PRKN: variants seen among roughly 807,000 people sequenced by gnomAD.
PRKN encodes the protein parkin RBR E3 ubiquitin protein ligase.
Under a neutral mutation model 59.5 loss-of-function variants are expected in PRKN, and 56 were observed. The observed-to-expected ratio is 0.94, with a 90% CI of 0.76 to 1.18. PRKN has a LOEUF of 1.18. Ranked by LOEUF, PRKN falls within the 50% of genes most tolerant of loss-of-function variation. The pLI, the probability that PRKN is intolerant of heterozygous loss-of-function variation, is 0.00. For missense variants in PRKN, 657 were observed against 596.4 expected (o/e 1.10, Z -1.06); for synonymous variants, 250 against 222.1 (o/e 1.13, Z -1.12).
intron 1 of PRKN, among the ~76,000 whole-genome samples, chr6:162,504,650 A>G (rs1444534497): frequency 5.3e-5 from 8 of 152,206 alleles, no homozygotes; most frequent in African/African-American, 1.2e-4. Context: ...GCTTTGTAAC[A>G]TTAGTATAGG....
chr6:162,347,336 AT>A (rs11298277), intron 2 of PRKN, among the ~76,000 whole-genome samples: 114,332 of 150,516 alleles, frequency 0.76, 44,340 homozygotes, highest in African/African-American at 0.92. Flanking sequence ...AGTATATAGA[AT>A]TTTTTTTTTA....
intron 1 of PRKN, among the ~76,000 whole-genome samples, chr6:162,648,690 C>G (rs1778295413): frequency 6.6e-6 from 1 of 152,090 alleles, no homozygotes; most frequent in African/African-American, 2.4e-5. Context: ...CCAGTGTTCT[C>G]TCTTTTAAAT....
intron 1 of PRKN, among the ~76,000 whole-genome samples, chr6:162,493,312 G>A (rs1188536602): frequency 6.6e-6 from 1 of 152,178 alleles, no homozygotes; most frequent in African/African-American, 2.4e-5. Flanking sequence ...GTTGGAGACA[G>A]TAAAAGGAAA....
intron 2 of PRKN, among the ~76,000 whole-genome samples, chr6:162,293,962 GC>G (rs1781550408): frequency 6.6e-6 from 1 of 152,158 alleles, no homozygotes; most frequent in African/African-American, 2.4e-5. Context: ...ACAGGCATGA[GC>G]CACTATTCCC....
intron 5 of PRKN, among the ~76,000 whole-genome samples, chr6:161,992,020 C>G (rs1781667538): frequency 6.6e-6 from 1 of 151,940 alleles, no homozygotes; most frequent in Admixed American, 6.6e-5. Flanking sequence ...TCAGATAAAA[C>G]AGATTACAAG....
At chr6:162,618,665 A>G (rs1318225530) in intron 1 of PRKN, among the ~76,000 whole-genome samples, 1 of 152,224 alleles carries the variant, frequency 6.6e-6, no homozygotes, top group African/African-American at 2.4e-5. Context: ...CTACAGCATA[A>G]CAAATGAAAG....
At chr6:162,703,464 T>C (rs1204006862) in intron 1 of PRKN, among the ~76,000 whole-genome samples, 2 of 152,228 alleles carry the variant, frequency 1.3e-5, no homozygotes, top group Non-Finnish European at 1.5e-5. Context: ...ACACCTGGAA[T>C]TGAGAAAACT....
rs58393438 is a variant in PRKN at position 162,382,959 on chromosome 6, C to T, written c.171+60351G>A. Among the ~76,000 whole-genome samples the T allele has an allele frequency of 6.6e-3, 1,008 of 152,278 alleles. 8 individuals are homozygous for T. The highest frequency in any genetic ancestry group is 0.014 in the Middle Eastern group (4 of 294). On this transcript the variant is annotated intron_variant, in intron 2 of 11. Transcript: ENST00000366898. ...TTTGTTCATCCGTAAGAAGCAACTC[C>T]TCACCTGTTCATGTTTTATTATGAG...
intron 7 of PRKN, among the ~76,000 whole-genome samples, chr6:161,722,041 T>C (rs202058160): frequency 2.0e-5 from 3 of 152,266 alleles, no homozygotes; most frequent in East Asian, 3.9e-4. Flanking sequence ...CCTTCTTTCA[T>C]AGTCTGGGAA....
intron 3 of PRKN, among the ~76,000 whole-genome samples, chr6:162,209,378 G>T (rs1211439916): frequency 6.6e-6 from 1 of 152,276 alleles, no homozygotes; most frequent in East Asian, 1.9e-4. Flanking sequence ...GGTCATCAGA[G>T]AAATGTAAAT....
intron 1 of PRKN, among the ~76,000 whole-genome samples, chr6:162,696,559 C>CTTTTTTT (rs748055251): frequency 1.7e-4 from 18 of 108,516 alleles, no homozygotes; most frequent in East Asian, 3.1e-4. Context: ...TCAGGAAAAA[C>CTTTTTTT]TTTTTTTTTT....
At position 161,415,233 on chromosome 6, in the gene PRKN, C is replaced by T. The variant is rs73606944; in HGVS notation, c.1084-28356G>A. 9.5e-3 allele frequency among the ~76,000 whole-genome samples: 1,451 copies of T among 152,300 alleles called. 28 individuals carry two copies. Among genetic ancestry groups the T allele is most frequent in the African/African-American group, 0.033 (1,353 of 41,550 alleles). ...CTTACCGTGTCCGCGAGGAACCATTCATGCAGAGAGGCCTCCCCATTTTCT... is the reference window on the plus strand; with the variant it reads ...CTTACCGTGTCCGCGAGGAACCATTTATGCAGAGAGGCCTCCCCATTTTCT... On this transcript the variant is annotated intron_variant, in intron 9 of 11. Coordinates refer to ENST00000366898, the MANE Select transcript of PRKN (RefSeq NM_004562.3).
intron 2 of PRKN, among the ~76,000 whole-genome samples, chr6:162,432,529 A>G (rs1350697128): frequency 8.4e-6 from 1 of 118,860 alleles, no homozygotes; most frequent in African/African-American, 4.1e-5. Flanking sequence ...CGTCTAAAAC[A>G]AACAAACAAA....
Position 161,467,194 on chromosome 6 carries a change from C to A in PRKN, c.1084-80317G>T, listed in dbSNP as rs1038439415. On this transcript the variant is annotated intron_variant, in intron 9 of 11. Coordinates refer to ENST00000366898, the MANE Select transcript of PRKN (RefSeq NM_004562.3). The surrounding 1 kb of genome is among the most constrained non-coding windows in gnomAD (Gnocchi z 4.3). Reference sequence around the variant, plus strand: ...TTTTTTCAATGTACTGGGAAAGTGGCATTTTGAGAGAGACTTCTTCCATCT... The same window carrying A: ...TTTTTTCAATGTACTGGGAAAGTGGAATTTTGAGAGAGACTTCTTCCATCT... Among the ~76,000 whole-genome samples, 1 of 150,724 alleles carries A rather than the reference C, an allele frequency of 6.6e-6. No homozygotes were observed. Among genetic ancestry groups the A allele is most frequent in the Non-Finnish European group, 1.5e-5 (1 of 67,574 alleles).
intron 1 of PRKN, among the ~76,000 whole-genome samples, chr6:162,691,737 A>C (rs991704867): frequency 1.3e-5 from 2 of 152,236 alleles, no homozygotes; most frequent in African/African-American, 2.4e-5. Flanking sequence ...AAATACTTAG[A>C]AAAAAGTTCC....
chr6:161,803,750 A>G (rs986969706), intron 6 of PRKN, among the ~76,000 whole-genome samples: 1 of 152,190 alleles, frequency 6.6e-6, no homozygotes, highest in Non-Finnish European at 1.5e-5. Context: ...TCTTATCACA[A>G]GAAGGGAAGC....
At chr6:162,356,314 G>T (rs1429002605) in intron 2 of PRKN, among the ~76,000 whole-genome samples, 2 of 151,932 alleles carry the variant, frequency 1.3e-5, no homozygotes, top group African/African-American at 4.8e-5. Context: ...TGTGCCCCTT[G>T]CTGCTTTCAT....
intron 7 of PRKN, among the ~76,000 whole-genome samples, chr6:161,693,306 T>C (rs1288648291): frequency 2.6e-5 from 4 of 152,208 alleles, no homozygotes; most frequent in African/African-American, 9.7e-5. Context: ...ATGGTGTATT[T>C]TTTTCCCTCC....
chr6:162,548,654 C>G (rs1355167686), intron 1 of PRKN, among the ~76,000 whole-genome samples: 1 of 152,120 alleles, frequency 6.6e-6, no homozygotes, highest in Non-Finnish European at 1.5e-5. Flanking sequence ...GCTATCCTTC[C>G]TATTTAAGCT....
Sources: gnomAD v4.1 joint callset for allele counts (sites outside exome capture counted in the v4.1 genomes callset) on GRCh38, gnomAD v4.1.1 for gene constraint, Gnocchi (gnomAD v3.1) non-coding constraint, MANE v1.5 for transcripts, NCBI Gene and HGNC (gene_info 2026-07-23, HGNC 2026-07-21) for gene names.